PRKAG2: variants seen among roughly 807,000 people sequenced by gnomAD.
PRKAG2 encodes 5'-AMP-activated protein kinase subunit gamma-2.
A neutral mutation model predicts 69.6 loss-of-function variants in PRKAG2; 26 were observed. That is an observed-to-expected ratio of 0.37 (90% CI 0.27 to 0.52). PRKAG2 has a LOEUF of 0.52. Ranked by LOEUF, PRKAG2 falls within the 20% of genes least tolerant of loss-of-function variation. PRKAG2 has a pLI of 0.90. For synonymous variants in PRKAG2, 293 were observed against 285.0 expected (o/e 1.03, Z -0.28); for missense variants, 557 against 740.0 (o/e 0.75, Z 2.87).
intron 1 of PRKAG2, among the ~76,000 whole-genome samples, chr7:151,827,768 A>AAAAC (rs1563733965): frequency 6.7e-6 from 1 of 150,276 alleles, no homozygotes; most frequent in African/African-American, 2.4e-5. Flanking sequence ...AAAAAAAAAA[A>AAAAC]AAAAAACTGC....
At chr7:151,826,183 TTG>T (rs1491016098) in intron 1 of PRKAG2, among the ~76,000 whole-genome samples, 1 of 150,206 alleles carries the variant, frequency 6.7e-6, no homozygotes, top group African/African-American at 2.5e-5. Flanking sequence ...ACTTTTTTTT[TTG>T]TTGTTGTTTT....
intron 4 of PRKAG2, among the ~76,000 whole-genome samples, chr7:151,659,669 C>T (rs1830025330): frequency 6.6e-6 from 1 of 152,166 alleles, no homozygotes; most frequent in Non-Finnish European, 1.5e-5. Context: ...AATAAGTAGG[C>T]AGGCAGAGTG....
At chr7:151,755,626 C>T (rs2075030869) in intron 3 of PRKAG2, among the ~76,000 whole-genome samples, 1 of 151,878 alleles carries the variant, frequency 6.6e-6, no homozygotes, top group African/African-American at 2.4e-5. Context: ...TTTATAAATA[C>T]TTATTGGAAC....
At chr7:151,757,073 C>T (rs1416126905) in intron 3 of PRKAG2, among the ~76,000 whole-genome samples, 4 of 152,150 alleles carry the variant, frequency 2.6e-5, no homozygotes, top group Non-Finnish European at 4.4e-5. Flanking sequence ...CCTATTGATG[C>T]TCACTCGCTG....
chr7:151,839,157 C>G (rs1167817265), intron 1 of PRKAG2, among the ~76,000 whole-genome samples: 3 of 152,332 alleles, frequency 2.0e-5, no homozygotes, highest in Non-Finnish European at 4.4e-5. Flanking sequence ...CAGCCCCACC[C>G]CAACCAGGGC....
At chr7:151,603,334 C>T (rs1476510709) in intron 5 of PRKAG2, among the ~76,000 whole-genome samples, 1 of 43,094 alleles carries the variant, frequency 2.3e-5, no homozygotes, top group Non-Finnish European at 4.0e-5. Flanking sequence ...CGGAGGGACA[C>T]GCTCCGTCCT....
chr7:151,574,660 A>AT (rs1206807140), intron 8 of PRKAG2, among the ~76,000 whole-genome samples: 2 of 152,140 alleles, frequency 1.3e-5, no homozygotes, highest in Non-Finnish European at 2.9e-5. Flanking sequence ...ATTTCCTTTT[A>AT]TTTTTCCTGA....
intron 5 of PRKAG2, among the ~76,000 whole-genome samples, chr7:151,605,911 C>T: frequency 7.0e-6 from 1 of 142,126 alleles, no homozygotes; most frequent in Non-Finnish European, 1.5e-5. Flanking sequence ...GCACTCCAGC[C>T]TGGCGACAGA....
chr7:151,577,088 T>A (rs1336688947), intron 6 of PRKAG2, among the ~76,000 whole-genome samples: 1 of 152,102 alleles, frequency 6.6e-6, no homozygotes, highest in Admixed American at 6.5e-5. Flanking sequence ...ATCTCCTACA[T>A]GTGGTTATTA....
chr7:151,773,352 T>C (rs902970957), intron 3 of PRKAG2, among the ~76,000 whole-genome samples: 10 of 152,210 alleles, frequency 6.6e-5, no homozygotes, highest in African/African-American at 2.4e-4. Flanking sequence ...TATTGGTTTA[T>C]AGATCCCTAA....
intron 1 of PRKAG2, among the ~76,000 whole-genome samples, chr7:151,830,857 T>C (rs898800233): frequency 6.6e-6 from 1 of 151,830 alleles, no homozygotes; most frequent in Non-Finnish European, 1.5e-5. Context: ...CATGTTGTGC[T>C]CTCTCACCTG....
intron 4 of PRKAG2, among the ~76,000 whole-genome samples, chr7:151,672,208 T>A (rs1832160602): frequency 6.6e-6 from 1 of 152,074 alleles, no homozygotes. Flanking sequence ...TTCAAGCGAT[T>A]CCCCTGCCTC....
At chr7:151,629,430 G>A (rs1196018173) in intron 5 of PRKAG2, among the ~76,000 whole-genome samples, 1 of 152,186 alleles carries the variant, frequency 6.6e-6, no homozygotes, top group African/African-American at 2.4e-5. Context: ...GTCTGCACCT[G>A]TCGGATATAC....
At chr7:151,637,845 G>C (rs151022060) in intron 4 of PRKAG2, among the ~76,000 whole-genome samples, 2 of 152,180 alleles carry the variant, frequency 1.3e-5, no homozygotes, top group African/African-American at 4.8e-5. Context: ...GCTGGTGGTC[G>C]TCGTTGCCCT....
At chr7:151,870,132 G>GATAC (rs1272216609) in intron 1 of PRKAG2, among the ~76,000 whole-genome samples, 2 of 127,024 alleles carry the variant, frequency 1.6e-5, no homozygotes, top group Non-Finnish European at 1.7e-5. Flanking sequence ...TAGATAGATA[G>GATAC]ATAGATAGAT....
intron 1 of PRKAG2, among the ~76,000 whole-genome samples, chr7:151,847,099 C>A (rs1030745450): frequency 6.6e-6 from 1 of 152,154 alleles, no homozygotes; most frequent in Non-Finnish European, 1.5e-5. Context: ...GGGGGATGCC[C>A]GAGAGGGAAA....
chr7:151,867,041 A>G lies in PRKAG2; in HGVS notation c.114+9466T>C, dbSNP rs913993625. On this transcript the variant is annotated intron_variant, in intron 1 of 15. Coordinates refer to ENST00000287878, the MANE Select transcript of PRKAG2 (RefSeq NM_016203.4). ...ACAGCCCCTCCACACTAGAACTTCC[A>G]GCAGTGGGAGGAGGGGACGCAAGGA... 4.6e-5 allele frequency among the ~76,000 whole-genome samples: 7 copies of G among 152,148 alleles called. No individual in the cohort carries two copies. The East Asian group carries it at 1.3e-3, about 29-fold the overall frequency.
At position 151,825,656 on chromosome 7, in the gene PRKAG2, CAG is replaced by C. The variant is rs545824953; in HGVS notation, c.115-39117_115-39116del. 9.5e-4 allele frequency among the ~76,000 whole-genome samples: 145 copies of C among 152,340 alleles called. No homozygotes were observed. The South Asian group carries it at 0.018, about 18-fold the overall frequency. On this transcript the variant is annotated intron_variant, in intron 1 of 15. Transcript: ENST00000287878. ...TGTTTTTTCCCCTTTCATGTTAAAA[CAG>C]AGAACTTCCTGCCCTGTTTGTCTCT...
At chr7:151,762,095 T>A (rs2075445665) in intron 3 of PRKAG2, among the ~76,000 whole-genome samples, 1 of 152,200 alleles carries the variant, frequency 6.6e-6, no homozygotes, top group Non-Finnish European at 1.5e-5. Context: ...GCAGCCACTG[T>A]CCGATGGGTT....
Sources: allele counts gnomAD v4.1 joint callset (sites outside exome capture counted in the v4.1 genomes callset), GRCh38; gene constraint gnomAD v4.1.1; transcripts MANE v1.5; gene names NCBI Gene and HGNC (gene_info 2026-07-23, HGNC 2026-07-21).